Variants in MUC13 observed in about 807,000 individuals in gnomAD.
The protein encoded by MUC13 is mucin-13.
In MUC13, 32 loss-of-function variants were observed where a neutral mutation model predicts 48.3. The ratio of observed to expected loss-of-function variants is 0.66; its 90% CI spans 0.50 to 0.89. MUC13 has a LOEUF of 0.89. Among genes scored for constraint, MUC13 ranks in the 40% least tolerant of loss-of-function variants. The pLI is 0.00. For missense variants in MUC13, 571 were observed against 622.8 expected (o/e 0.92, Z 0.88); for synonymous variants, 199 against 224.9 (o/e 0.88, Z 1.03).
chr3:124,907,536 T>C (rs1935337286), intron 11 of MUC13, among the ~76,000 whole-genome samples: 2 of 152,122 alleles, frequency 1.3e-5, no homozygotes, highest in African/African-American at 4.8e-5. Context: ...GAGGATCACT[T>C]AAGCCCAGGA....
At position 124,934,725 on chromosome 3, in the gene MUC13, T is replaced by C. The variant is rs1174440648; in HGVS notation, c.-13A>G. 4.4e-6 allele frequency: 7 copies of C among 1,605,164 alleles called. No individual in the cohort carries two copies. The highest frequency in any genetic ancestry group is 4.3e-6 in the Non-Finnish European group (5 of 1,172,258). ...TGATGGCTTTCATTTTAGCTGTTCT[T>C]GCTTGGTAATCTGAGGAGGAAATGA... On this transcript the variant is annotated 5_prime_UTR_variant, in exon 1 of 12. Transcript: ENST00000616727.
chr3:124,919,831 A>T (rs1007110919), intron 5 of MUC13, among the ~76,000 whole-genome samples: 1 of 151,934 alleles, frequency 6.6e-6, no homozygotes, highest in African/African-American at 2.4e-5. Flanking sequence ...TGTCCCCCTC[A>T]CACTTGCCAT....
intron 2 of MUC13, among the ~76,000 whole-genome samples, chr3:124,923,995 C>G (rs944497720): frequency 1.3e-5 from 2 of 152,114 alleles, no homozygotes; most frequent in Admixed American, 6.5e-5. Flanking sequence ...AAGCATGGTC[C>G]TCTAACACTA....
intron 1 of MUC13, among the ~76,000 whole-genome samples, chr3:124,931,895 A>T (rs1374923751): frequency 2.0e-5 from 3 of 151,980 alleles, no homozygotes; most frequent in African/African-American, 2.4e-5. Context: ...ATACAAAAAA[A>T]TTAGCCAGGT....
intron 6 of MUC13, 37 bp from the exon 7 acceptor site, chr3:124,913,718 T>G: frequency 6.2e-7 from 1 of 1,612,850 alleles, no homozygotes; most frequent in African/African-American, 1.3e-5. Flanking sequence ...ATATTCAGCA[T>G]GACAATATGG....
chr3:124,916,582 C>A lies in MUC13; in HGVS notation c.801-102G>T, dbSNP rs1006662322. ...GAATCTCCCGGCCCTAGTCCTGACCCGCTGTCCTGTCCCTATGATTCGGAC... is the reference window on the plus strand; with the variant it reads ...GAATCTCCCGGCCCTAGTCCTGACCAGCTGTCCTGTCCCTATGATTCGGAC... On this transcript the variant is annotated intron_variant, in intron 5 of 11. Transcript: ENST00000616727. 8 of 1,266,868 alleles carry A rather than the reference C, an allele frequency of 6.3e-6. 1 individual carries two copies. In the East Asian group the frequency reaches 1.8e-4, roughly 28 times the overall value. The allele number at this position is 1,266,868 out of a possible 1,614,324, so 78.5% of individuals were successfully genotyped here.
chr3:124,928,983 A>G (rs1935744380), intron 1 of MUC13, among the ~76,000 whole-genome samples: 1 of 152,192 alleles, frequency 6.6e-6, no homozygotes, highest in Non-Finnish European at 1.5e-5. Context: ...TTCTTCCAAA[A>G]TTTTATTCTA....
At chr3:124,913,819 G>T in intron 6 of MUC13, 138 bp from the exon 7 acceptor site, 1 of 863,082 alleles carries the variant, frequency 1.2e-6, no homozygotes, top group Non-Finnish European at 1.8e-6. Context: ...GCTCACAACT[G>T]TAATCCCAGC....
intron 6 of MUC13, among the ~76,000 whole-genome samples, chr3:124,915,394 A>G (rs150294683): frequency 1.8e-4 from 28 of 152,240 alleles, no homozygotes; most frequent in Admixed American, 3.9e-4. Context: ...ATTGAATCTT[A>G]CCCTCTTGCT....
At chr3:124,919,527 C>T (rs1199037177) in intron 5 of MUC13, among the ~76,000 whole-genome samples, 1 of 151,846 alleles carries the variant, frequency 6.6e-6, no homozygotes, top group Non-Finnish European at 1.5e-5. Context: ...AGGATAAATA[C>T]AATAGTAAGA....
chr3:124,929,674 A>T (rs1473769421), intron 1 of MUC13, among the ~76,000 whole-genome samples: 2 of 151,990 alleles, frequency 1.3e-5, no homozygotes, highest in Non-Finnish European at 2.9e-5. Context: ...GATAGTTCTC[A>T]TCTATCAAGC....
chr3:124,927,550 T>C lies in MUC13; in HGVS notation c.496A>G (p.Ser166Gly). The C allele has an allele frequency of 6.2e-7, 1 of 1,614,196 alleles. No homozygotes were observed. The highest frequency in any genetic ancestry group is 8.5e-7 in the Non-Finnish European group (1 of 1,180,020). ...PPTGTALLET[S>G]TLNSTGPSNP... ...TCCTTACCTGTGCTGTTTAGGGTGC[T>C]GGTCTCCAATAAAGCGGTGCCAGTG... The change falls in exon 2 of 12, where the codon AGC (serine) becomes GGC (glycine). Residue 166 changes from serine (S) to glycine (G), a missense_variant. Coordinates refer to ENST00000616727, the MANE Select transcript of MUC13 (RefSeq NM_033049.4).
At chr3:124,916,579 A>G in intron 5 of MUC13, 99 bp from the exon 6 acceptor site, 1 of 1,301,744 alleles carries the variant, frequency 7.7e-7, no homozygotes, top group East Asian at 2.5e-5. Context: ...CCTAGTCCTG[A>G]CCCGCTGTCC....
At chr3:124,908,048 C>A (rs1204267718) in intron 11 of MUC13, 99 bp downstream of exon 11, 19 of 1,155,326 alleles carry the variant, frequency 1.6e-5, no homozygotes. Flanking sequence ...AAAAAGAAAG[C>A]CTGCGGGGCA....
intron 7 of MUC13, 59 bp downstream of exon 7, chr3:124,913,502 GT>G: frequency 1.2e-6 from 2 of 1,609,552 alleles, no homozygotes; most frequent in South Asian, 2.2e-5. Flanking sequence ...AATTTTTTAT[GT>G]TGCAAAAGAA....
At chr3:124,934,527 A>T in intron 1 of MUC13, 134 bp downstream of exon 1, 1 of 649,334 alleles carries the variant, frequency 1.5e-6, no homozygotes, top group Non-Finnish European at 2.8e-6. Context: ...CTTTGAGCTG[A>T]GCTGGAGAGG....
At chr3:124,921,743 T>G (rs948521833) in intron 4 of MUC13, among the ~76,000 whole-genome samples, 1 of 152,260 alleles carries the variant, frequency 6.6e-6, no homozygotes, top group African/African-American at 2.4e-5. Flanking sequence ...CAGACTAGTA[T>G]GAAAATTTAT....
At chr3:124,918,774 T>C (rs1291919977) in intron 5 of MUC13, among the ~76,000 whole-genome samples, 1 of 152,142 alleles carries the variant, frequency 6.6e-6, no homozygotes, top group African/African-American at 2.4e-5. Context: ...AACTGGCTAT[T>C]GTCCACTAAA....
rs767293629 is a variant in MUC13, at chr3:124,927,667, T to C, written c.379A>G (p.Asn127Asp). 12 of 1,614,068 alleles carry C rather than the reference T, an allele frequency of 7.4e-6. 1 individual carries two copies. In the East Asian group the frequency reaches 2.7e-4, roughly 36 times the overall value. ...TSDIITASSP[N>D]DGLITMVPSE... Reference sequence around the variant, plus strand: ...GGAACCATTGTGATTAATCCATCATTTGGAGATGAAGCGGTGATTATGTCA... The same window carrying C: ...GGAACCATTGTGATTAATCCATCATCTGGAGATGAAGCGGTGATTATGTCA... The change falls in exon 2 of 12, where the codon AAT becomes GAT. Residue 127 changes from asparagine (N) to aspartate (D), a missense_variant. Physicochemically the swap from Asn to Asp is conservative, Grantham distance 23 (BLOSUM62 1). Transcript: ENST00000616727.
Sources: gnomAD v4.1 joint callset for allele counts (sites outside exome capture counted in the v4.1 genomes callset) on GRCh38, gnomAD v4.1.1 for gene constraint, MANE v1.5 for transcripts, NCBI Gene and HGNC (gene_info 2026-07-23, HGNC 2026-07-21) for gene names.